Variants in TRPM3 observed in about 807,000 individuals in gnomAD.
TRPM3 encodes the protein transient receptor potential cation channel subfamily M member 3.
Under a neutral mutation model 181.2 loss-of-function variants are expected in TRPM3, and 77 were observed. The observed-to-expected ratio is 0.42, with a 90% CI of 0.35 to 0.51. The LOEUF (loss-of-function observed/expected upper bound fraction) is 0.51. TRPM3 is among the 20% of genes least tolerant of loss of function. The pLI is 0.01. For synonymous variants in TRPM3, 745 were observed against 796.4 expected (o/e 0.94, Z 1.09); for missense variants, 1,759 against 2,196.7 (o/e 0.80, Z 3.98).
intron 6 of TRPM3, among the ~76,000 whole-genome samples, chr9:70,791,115 C>T (rs559961528): frequency 6.6e-6 from 1 of 152,286 alleles, no homozygotes; most frequent in South Asian, 2.1e-4. Context: ...CTAACTATAA[C>T]TGGAATGTGT....
At chr9:70,755,331 C>T (rs954563980) in intron 8 of TRPM3, among the ~76,000 whole-genome samples, 1 of 151,434 alleles carries the variant, frequency 6.6e-6, no homozygotes, top group African/African-American at 2.4e-5. Context: ...TCCGCAGAAA[C>T]CCTACAAGTC....
intron 18 of TRPM3, 72 bp downstream of exon 18, chr9:70,615,836 C>A: frequency 1.4e-6 from 2 of 1,467,812 alleles, no homozygotes; most frequent in Non-Finnish European, 1.8e-6. Context: ...GTTACTGAAT[C>A]TTGAGCATAT....
chr9:71,022,382 T>C (rs908916462), intron 1 of TRPM3, among the ~76,000 whole-genome samples: 5 of 152,068 alleles, frequency 3.3e-5, no homozygotes, highest in African/African-American at 1.2e-4. Flanking sequence ...ACCTCATGTG[T>C]CATACAAAAA....
intron 1 of TRPM3, among the ~76,000 whole-genome samples, chr9:71,072,526 G>T (rs2062901557): frequency 1.3e-5 from 2 of 152,044 alleles, no homozygotes; most frequent in Non-Finnish European, 2.9e-5. Flanking sequence ...CCATTCCATA[G>T]ACAGGAAAAT....
At chr9:71,230,748 C>T (rs2080997115) in intron 1 of TRPM3, among the ~76,000 whole-genome samples, 1 of 152,156 alleles carries the variant, frequency 6.6e-6, no homozygotes, top group Non-Finnish European at 1.5e-5. Context: ...TCTGCACAGG[C>T]TCCATGACAA....
intron 1 of TRPM3, among the ~76,000 whole-genome samples, chr9:71,361,628 C>T (rs964356893): frequency 2.0e-5 from 3 of 152,140 alleles, no homozygotes; most frequent in African/African-American, 7.2e-5. Context: ...TGCAAGCTCT[C>T]CTTTGGACTA....
rs183787932 is a variant in TRPM3 at position 71,300,198 on chromosome 9, A to G, written c.183+146455T>C. 2.7e-3 allele frequency among the ~76,000 whole-genome samples: 415 copies of G among 152,280 alleles called. 2 individuals carry two copies. Among genetic ancestry groups the G allele is most frequent in the Non-Finnish European group, 4.5e-3 (304 of 67,984 alleles). On this transcript the variant is annotated intron_variant, in intron 1 of 24. Coordinates refer to the TRPM3 transcript ENST00000357533. ...ATAACCAAAGAAACAGTAACCTTAT[A>G]AACATTAGAAACATTAACTTTGTAA...
chr9:70,942,325 A>G (rs1363711842), intron 1 of TRPM3, among the ~76,000 whole-genome samples: 1 of 152,240 alleles, frequency 6.6e-6, no homozygotes, highest in African/African-American at 2.4e-5. Context: ...CAGGTGCAGC[A>G]TGGAATCTGA....
At chr9:70,875,942 T>C (rs1172297369) in intron 1 of TRPM3, among the ~76,000 whole-genome samples, 1 of 151,894 alleles carries the variant, frequency 6.6e-6, no homozygotes, top group Non-Finnish European at 1.5e-5. Context: ...TAGGCATTTT[T>C]CTGTCAAATT....
intron 1 of TRPM3, chr9:70,917,087 T>A: frequency 6.3e-7 from 1 of 1,599,970 alleles, no homozygotes; most frequent in Non-Finnish European, 8.6e-7. Context: ...CTGCAACAGG[T>A]CCACTTTCAG....
chr9:71,377,957 GATTT>G (rs538164985), intron 1 of TRPM3, among the ~76,000 whole-genome samples: 145 of 151,908 alleles, frequency 9.5e-4, no homozygotes, highest in African/African-American at 2.7e-3. Flanking sequence ...AATATATCAC[GATTT>G]ATTTATCTAT....
At chr9:70,815,044 C>A (rs987798422) in intron 6 of TRPM3, among the ~76,000 whole-genome samples, 1 of 152,006 alleles carries the variant, frequency 6.6e-6, no homozygotes, top group South Asian at 2.1e-4. Context: ...AGTCTCACTC[C>A]CTGGAAACTG....
intron 1 of TRPM3, among the ~76,000 whole-genome samples, chr9:71,232,793 T>C (rs560268468): frequency 6.6e-6 from 1 of 152,244 alleles, no homozygotes; most frequent in Admixed American, 6.5e-5. Flanking sequence ...CCATCACACC[T>C]GACCAGTATT....
intron 6 of TRPM3, among the ~76,000 whole-genome samples, chr9:70,806,370 C>T (rs1421116257): frequency 6.6e-6 from 1 of 152,120 alleles, no homozygotes; most frequent in East Asian, 1.9e-4. Context: ...GGCTCATGAT[C>T]CTGAGCTGGG....
intron 3 of TRPM3, among the ~76,000 whole-genome samples, chr9:70,854,006 C>T (rs905526910): frequency 1.3e-5 from 2 of 152,136 alleles, no homozygotes; most frequent in African/African-American, 4.8e-5. Flanking sequence ...TGTAAGCTCT[C>T]CAGGTGCTTT....
At position 70,597,837 on chromosome 9, in the gene TRPM3, C is replaced by T. The variant is rs190641854; in HGVS notation, c.3048+582G>A. 7.2e-5 allele frequency among the ~76,000 whole-genome samples: 11 copies of T among 152,290 alleles called. No individual in the cohort carries two copies. In the East Asian group the frequency reaches 1.7e-3, roughly 24 times the overall value. ...ATGTTCAGTTCAAACCCAACTCAAC[C>T]CAACTCAAATCAGCACAAATAAATT... is the stretch of plus-strand genomic sequence containing the variant. On this transcript the variant is annotated intron_variant, in intron 21 of 25. Transcript: ENST00000677713.
intron 1 of TRPM3, among the ~76,000 whole-genome samples, chr9:71,294,615 A>T (rs1217625846): frequency 6.6e-6 from 1 of 152,138 alleles, no homozygotes; most frequent in Non-Finnish European, 1.5e-5. Context: ...CCAAGTATAA[A>T]CCTATGACTA....
At chr9:71,029,594 G>A (rs2057028062) in intron 1 of TRPM3, among the ~76,000 whole-genome samples, 1 of 152,114 alleles carries the variant, frequency 6.6e-6, no homozygotes, top group Admixed American at 6.5e-5. Context: ...CCATGATAAT[G>A]TATAGACAAT....
At chr9:70,812,941 A>G (rs186724281) in intron 6 of TRPM3, among the ~76,000 whole-genome samples, 1 of 152,276 alleles carries the variant, frequency 6.6e-6, no homozygotes, top group Admixed American at 6.5e-5. Flanking sequence ...GACACAATAG[A>G]AAAAAATGGT....
Sources: gnomAD v4.1 joint callset for allele counts (sites outside exome capture counted in the v4.1 genomes callset) on GRCh38, gnomAD v4.1.1 for gene constraint, MANE v1.5 for transcripts, NCBI Gene and HGNC (gene_info 2026-07-23, HGNC 2026-07-21) for gene names.